The following IRF2BPL variants were observed in gnomAD, a reference collection of about 807,000 sequenced individuals.
The protein encoded by IRF2BPL is probable E3 ubiquitin-protein ligase IRF2BPL.
A neutral mutation model predicts 51.2 loss-of-function variants in IRF2BPL; 13 were observed. The observed-to-expected ratio is 0.25, with a 90% CI of 0.17 to 0.40. The LOEUF (loss-of-function observed/expected upper bound fraction) is 0.40. Among genes scored for constraint, IRF2BPL ranks in the 10% least tolerant of loss-of-function variants. The pLI, the probability that IRF2BPL is intolerant of heterozygous loss-of-function variation, is 1.00. For synonymous variants in IRF2BPL, 768 were observed against 509.2 expected, an observed-to-expected ratio of 1.51 and a Z score of -6.84; for missense variants, 1,210 against 1,111.8, an observed-to-expected ratio of 1.09 and a Z score of -1.26.
Position 77,025,275 on chromosome 14 carries a change from A to G in IRF2BPL, c.*127T>C. 1.7e-6 allele frequency: 1 copy of G among 576,456 alleles called. No individual in the cohort carries two copies. The highest frequency in any genetic ancestry group is 3.0e-5 in the East Asian group (1 of 33,776). 35.7% of individuals were successfully genotyped at this position (576,456 alleles called of 1,614,324 possible). On this transcript the variant is annotated 3_prime_UTR_variant, in exon 1 of 1. Transcript: ENST00000238647. ...TCTATACATAAGACTAACTTTTTGCAGTTTCGTTATATTCACAATTCTACA... is the reference window on the plus strand; with the variant it reads ...TCTATACATAAGACTAACTTTTTGCGGTTTCGTTATATTCACAATTCTACA...
In IRF2BPL at chr14:77,025,312, AGGGGAGGGAGGGTCGAGTTGGGTTG is replaced by A; in HGVS notation, c.*65_*89del. 1.2e-6 allele frequency: 1 copy of A among 826,914 alleles called. No homozygotes were observed. The highest frequency in any genetic ancestry group is 2.7e-5 in the East Asian group (1 of 37,168). 51.2% of individuals were successfully genotyped at this position (826,914 alleles called of 1,614,324 possible). A position where few individuals can be genotyped will look rare whatever the true frequency, so the allele number is the denominator to read the frequency against. ...TTCACAATTCTACACCTTGGGGGTG[AGGGGAGGGAGGGTCGAGTTGGGTTG>A]GGGGAGGGGCCCTCAGGATTGGAGA... On this transcript the variant is annotated 3_prime_UTR_variant, in exon 1 of 1. Transcript: ENST00000238647.
In IRF2BPL at chr14:77,025,058, A is replaced by C. The variant is rs1566785176; in HGVS notation, c.*344T>G. Reference sequence around the variant, plus strand: ...GTGCATAACATTTACAAAAATACACACCAGCAGCAGTCGTTGCTAAGGGCT... The same window carrying C: ...GTGCATAACATTTACAAAAATACACCCCAGCAGCAGTCGTTGCTAAGGGCT... On this transcript the variant is annotated 3_prime_UTR_variant, in exon 1 of 1. Coordinates refer to ENST00000238647, the MANE Select transcript of IRF2BPL (RefSeq NM_024496.4). The C allele has an allele frequency of 6.0e-6, 1 of 166,756 alleles. No individual in the cohort carries two copies. The highest frequency in any genetic ancestry group is 1.3e-5 in the Non-Finnish European group (1 of 78,972). 10.3% of individuals were successfully genotyped at this position (166,756 alleles called of 1,614,324 possible).
Position 77,026,242 on chromosome 14 carries a change from G to A in IRF2BPL, c.1551C>T (p.Ala517=). 1 of 1,438,478 alleles carries A rather than the reference G, an allele frequency of 7.0e-7. No individual in the cohort carries two copies. Among genetic ancestry groups the A allele is most frequent in the Non-Finnish European group, 9.1e-7 (1 of 1,100,698 alleles). The allele number at this position is 1,438,478 out of a possible 1,614,324, so 89.1% of individuals were successfully genotyped here. Residue 517 remains alanine, a synonymous_variant, in exon 1 of 1, where the codon GCC becomes GCT. Transcript: ENST00000238647. ...LPTALVSLSR[A]PSAPPGTGAL... is the part of the protein sequence containing the mutation. Reference sequence around the variant, plus strand: ...CCCCGGTCCCCGGGGGTGCGCTGGGGGCGCGGCTCAGACTCACCAGAGCAG... The same window carrying A: ...CCCCGGTCCCCGGGGGTGCGCTGGGAGCGCGGCTCAGACTCACCAGAGCAG...
chr14:77,027,826 G>A lies in IRF2BPL; in HGVS notation c.-34C>T. The A allele has an allele frequency of 6.8e-7, 1 of 1,477,432 alleles. No individual in the cohort carries two copies. The highest frequency in any genetic ancestry group is 1.3e-5 in the South Asian group (1 of 74,818). The allele number at this position is 1,477,432 out of a possible 1,614,324, so 91.5% of individuals were successfully genotyped here. On this transcript the variant is annotated 5_prime_UTR_variant, in exon 1 of 1. Transcript: ENST00000238647. ...CCCTGGGGAAGGTAGGCCCCCGCCCGGGCTGTCTCCGCGGCGCCTTCTCCT... is the reference window on the plus strand; with the variant it reads ...CCCTGGGGAAGGTAGGCCCCCGCCCAGGCTGTCTCCGCGGCGCCTTCTCCT...
At position 77,025,182 on chromosome 14, in the gene IRF2BPL, C is replaced by T. The variant is rs1248749613; in HGVS notation, c.*220G>A. On this transcript the variant is annotated 3_prime_UTR_variant, in exon 1 of 1. Coordinates refer to ENST00000238647, the MANE Select transcript of IRF2BPL (RefSeq NM_024496.4). ...TACTATACTGCTTAACACAAACCAG[C>T]TTATCCTTCAAATGAAGAAGTTACA... 5 of 427,016 alleles carry T rather than the reference C, an allele frequency of 1.2e-5. No homozygotes were observed. Among genetic ancestry groups the T allele is most frequent in the Non-Finnish European group, 2.1e-5 (5 of 239,742 alleles). 26.5% of individuals were successfully genotyped at this position (427,016 alleles called of 1,614,324 possible).
rs917912841 is a variant in IRF2BPL, at chr14:77,028,282, G to A, written c.-490C>T. 21 of 243,404 alleles carry A rather than the reference G, an allele frequency of 8.6e-5. No individual in the cohort carries two copies. Among genetic ancestry groups the A allele is most frequent in the Non-Finnish European group, 1.8e-4 (21 of 119,094 alleles). The allele number at this position is 243,404 out of a possible 1,614,324, so 15.1% of individuals were successfully genotyped here. A position where few individuals can be genotyped will look rare whatever the true frequency, so the allele number is the denominator to read the frequency against. ...GGGCCCCCTGGGGCGAGGGCCAGAG[G>A]GTTCAGTGCCACCCGGTGCCCGGGT... is the stretch of plus-strand genomic sequence containing the variant. On this transcript the variant is annotated 5_prime_UTR_variant, in exon 1 of 1. Transcript: ENST00000238647.
At position 77,026,451 on chromosome 14, in the gene IRF2BPL, C is replaced by T. The variant is rs765847024; in HGVS notation, c.1342G>A (p.Asp448Asn). The change falls in exon 1 of 1, where the codon GAC (aspartate) becomes AAC (asparagine). Residue 448 changes from aspartate (D) to asparagine (N), a missense_variant. Asp to Asn is a conservative substitution (Grantham distance 23). Coordinates refer to ENST00000238647, the MANE Select transcript of IRF2BPL (RefSeq NM_024496.4). ...AKQMYQDCMK[D>N]FGRGLSSGFK... Reference sequence around the variant, plus strand: ...CCCGAGGATAGGCCCCGGCCGAAGTCCTTCATGCAGTCCTGATACATCTGC... The same window carrying T: ...CCCGAGGATAGGCCCCGGCCGAAGTTCTTCATGCAGTCCTGATACATCTGC... 2 of 1,613,564 alleles carry T rather than the reference C, an allele frequency of 1.2e-6. No homozygotes were observed. Among genetic ancestry groups the T allele is most frequent in the Non-Finnish European group, 1.7e-6 (2 of 1,180,014 alleles).
Position 77,025,214 on chromosome 14 carries a change from T to C in IRF2BPL, c.*188A>G. ...TTCAAATGAAGAAGTTACATACCTT[T>C]GTTTCAAAATATAGAAACATACGAC... On this transcript the variant is annotated 3_prime_UTR_variant, in exon 1 of 1. Coordinates refer to ENST00000238647, the MANE Select transcript of IRF2BPL (RefSeq NM_024496.4). The C allele has an allele frequency of 2.2e-6, 1 of 461,524 alleles. No homozygotes were observed. The highest frequency in any genetic ancestry group is 3.2e-5 in the East Asian group (1 of 30,778). 28.6% of individuals were successfully genotyped at this position (461,524 alleles called of 1,614,324 possible).
At position 77,026,404 on chromosome 14, in the gene IRF2BPL, T is replaced by C. The variant is rs139707166; in HGVS notation, c.1389A>G (p.Glu463=). 6.2e-7 allele frequency: 1 copy of C among 1,613,274 alleles called. No individual in the cohort carries two copies. The highest frequency in any genetic ancestry group is 8.5e-7 in the Non-Finnish European group (1 of 1,179,986). ...LSSGFKYLEY[E]KKHGSGDWRL... is the part of the protein sequence containing the mutation. ...GCCAGTCCCCGGAGCCGTGCTTCTT[T>C]TCGTACTCCAGGTACTTGAAACCCG... Residue 463 remains glutamate, a synonymous_variant, in exon 1 of 1, where the codon GAA becomes GAG. Coordinates refer to ENST00000238647, the MANE Select transcript of IRF2BPL (RefSeq NM_024496.4).
Position 77,026,141 on chromosome 14 carries a change from G to A in IRF2BPL, c.1652C>T (p.Pro551Leu), listed in dbSNP as rs1594796921. The A allele has an allele frequency of 1.3e-6, 2 of 1,544,616 alleles. No homozygotes were observed. Among genetic ancestry groups the A allele is most frequent in the African/African-American group, 1.4e-5 (1 of 72,730 alleles). The change falls in exon 1 of 1, where the codon CCG becomes CTG. Residue 551 changes from proline to leucine, a missense_variant. Physicochemically the swap from Pro to Leu is moderately conservative, Grantham distance 98. Coordinates refer to ENST00000238647, the MANE Select transcript of IRF2BPL (RefSeq NM_024496.4). ...LRKRKASPEP[P>L]DSAEGALKLG... Reference sequence around the variant, plus strand: ...CTTCAGCGCGCCCTCGGCTGAGTCCGGGGGCTCCGGAGAGGCCTTTCTCTT... The same window carrying A: ...CTTCAGCGCGCCCTCGGCTGAGTCCAGGGGCTCCGGAGAGGCCTTTCTCTT...
rs778861764 is a variant in IRF2BPL at position 77,027,801 on chromosome 14, C to A, written c.-9G>T. On this transcript the variant is annotated 5_prime_UTR_variant, in exon 1 of 1. Transcript: ENST00000238647. ...ACCTGCGCCGCCGACATGATGCCTG[C>A]CCTGGGGAAGGTAGGCCCCCGCCCG... The A allele has an allele frequency of 1.9e-6, 3 of 1,543,852 alleles. No individual in the cohort carries two copies. In the South Asian group the frequency reaches 3.6e-5, roughly 18 times the overall value.
In IRF2BPL at chr14:77,025,258, T is replaced by A. The variant is rs974342670; in HGVS notation, c.*144A>T. On this transcript the variant is annotated 3_prime_UTR_variant, in exon 1 of 1. Transcript: ENST00000238647. ...ATACGACGAAAATAATGTCTATACATAAGACTAACTTTTTGCAGTTTCGTT... is the reference window on the plus strand; with the variant it reads ...ATACGACGAAAATAATGTCTATACAAAAGACTAACTTTTTGCAGTTTCGTT... The A allele has an allele frequency of 1.9e-5, 10 of 533,966 alleles. No individual in the cohort carries two copies. The highest frequency in any genetic ancestry group is 2.9e-5 in the Non-Finnish European group (9 of 307,482). The allele number at this position is 533,966 out of a possible 1,614,324, so 33.1% of individuals were successfully genotyped here.
chr14:77,025,343 G>T lies in IRF2BPL; in HGVS notation c.*59C>A. 4 of 1,279,464 alleles carry T rather than the reference G, an allele frequency of 3.1e-6. No homozygotes were observed. The highest frequency in any genetic ancestry group is 4.3e-6 in the Non-Finnish European group (4 of 934,542). 79.3% of individuals were successfully genotyped at this position (1,279,464 alleles called of 1,614,324 possible). A position where few individuals can be genotyped will look rare whatever the true frequency, so the allele number is the denominator to read the frequency against. On this transcript the variant is annotated 3_prime_UTR_variant, in exon 1 of 1. Transcript: ENST00000238647. ...GGGAGGGTCGAGTTGGGTTGGGGGA[G>T]GGGCCCTCAGGATTGGAGAGGAGCT...
rs1365518202 is a variant in IRF2BPL at position 77,025,756 on chromosome 14, C to T, written c.2037G>A (p.Leu679=). The T allele has an allele frequency of 6.3e-7, 1 of 1,597,416 alleles. No homozygotes were observed. The highest frequency in any genetic ancestry group is 1.3e-5 in the African/African-American group (1 of 74,714). ...GCGGCGGGGGCGCCACCTGTAAATTCAGGTCCCCGTTACGTGATGCCAAGC... is the reference window on the plus strand; with the variant it reads ...GCGGCGGGGGCGCCACCTGTAAATTTAGGTCCCCGTTACGTGATGCCAAGC... ...QRRLASRNGD[L]NLQVAPPPPS... is the part of the protein sequence containing the mutation. Residue 679 remains leucine (L), a synonymous_variant, in exon 1 of 1, where the codon CTG becomes CTA. Coordinates refer to ENST00000238647, the MANE Select transcript of IRF2BPL (RefSeq NM_024496.4).
Position 77,027,658 on chromosome 14 carries a change from A to G in IRF2BPL, c.135T>C (p.Asp45=). The G allele has an allele frequency of 6.2e-7, 1 of 1,611,496 alleles. No homozygotes were observed. ...CRGCVNYEGA[D]RIEFVIETAR... is the part of the protein sequence containing the mutation. ...CTGTCTCGATCACGAATTCGATGCGATCAGCGCCCTCGTAGTTGACGCAAC... is the reference window on the plus strand; with the variant it reads ...CTGTCTCGATCACGAATTCGATGCGGTCAGCGCCCTCGTAGTTGACGCAAC... Residue 45 remains aspartate (D), a synonymous_variant, in exon 1 of 1, where the codon GAT becomes GAC. Transcript: ENST00000238647.
In IRF2BPL at chr14:77,027,505, C is replaced by CGGGG; in HGVS notation, c.287_288insCCCC (p.Ala97ProfsTer37). The CGGGG allele has an allele frequency of 1.6e-6, 1 of 621,900 alleles. No individual in the cohort carries two copies. 38.5% of individuals were successfully genotyped at this position (621,900 alleles called of 1,614,324 possible). On this transcript the variant is annotated frameshift_variant, in exon 1 of 1. Transcript: ENST00000238647. LOFTEE classifies it high-confidence loss of function. ...GCTGTTGCGCGGCGGCGGCGGCGGC[C>CGGGG]GCCGCTGCTGCCGCCGCCGCCGCCG...
chr14:77,026,062 C>A lies in IRF2BPL; in HGVS notation c.1731G>T (p.Leu577=). The change falls in exon 1 of 1, where the codon CTG becomes CTT. Residue 577 remains leucine, a synonymous_variant. Coordinates refer to ENST00000238647, the MANE Select transcript of IRF2BPL (RefSeq NM_024496.4). Reference sequence around the variant, plus strand: ...AGCCCCCGGCGGACATGGTGAGCTTCAGCGCCTCGCTCTGGTTCGCCATCC... The same window carrying A: ...AGCCCCCGGCGGACATGGTGAGCTTAAGCGCCTCGCTCTGGTTCGCCATCC... ...QQWMANQSEA[L]KLTMSAGGFA... The A allele has an allele frequency of 6.4e-7, 1 of 1,568,258 alleles. No individual in the cohort carries two copies.
chr14:77,027,266 G>A lies in IRF2BPL; in HGVS notation c.527C>T (p.Pro176Leu), dbSNP rs776119871. ...EQRSRFEYPP[P>L]PVSLGSSSHT... is the part of the protein sequence containing the mutation. ...GCTGCTGCTTCCCAGGCTCACCGGC[G>A]GTGGCGGGTACTCGAAGCGGCTGCG... The change falls in exon 1 of 1, where the codon CCG becomes CTG. Residue 176 changes from proline to leucine, a missense_variant. Coordinates refer to ENST00000238647, the MANE Select transcript of IRF2BPL (RefSeq NM_024496.4). 4 of 1,582,746 alleles carry A rather than the reference G, an allele frequency of 2.5e-6. No homozygotes were observed. The highest frequency in any genetic ancestry group is 1.1e-5 in the South Asian group (1 of 88,008).
rs1274752974 is a variant in IRF2BPL at position 77,027,813 on chromosome 14, T to C, written c.-21A>G. 1.3e-6 allele frequency: 2 copies of C among 1,506,992 alleles called. No homozygotes were observed. The highest frequency in any genetic ancestry group is 2.6e-5 in the East Asian group (1 of 38,606). The allele number at this position is 1,506,992 out of a possible 1,614,324, so 93.4% of individuals were successfully genotyped here. A position where few individuals can be genotyped will look rare whatever the true frequency, so the allele number is the denominator to read the frequency against. The stretch of plus-strand genomic sequence containing the variant: ...GACATGATGCCTGCCCTGGGGAAGG[T>C]AGGCCCCCGCCCGGGCTGTCTCCGC... On this transcript the variant is annotated 5_prime_UTR_variant, in exon 1 of 1. Coordinates refer to ENST00000238647, the MANE Select transcript of IRF2BPL (RefSeq NM_024496.4).
Sources: allele counts gnomAD v4.1 joint callset, GRCh38; gene constraint gnomAD v4.1.1; transcripts MANE v1.5; gene names NCBI Gene and HGNC (gene_info 2026-07-23, HGNC 2026-07-21).